The following BICDL1 variants were observed in gnomAD, a reference collection of about 807,000 sequenced individuals.
BICDL1 encodes BICD family-like cargo adapter 1.
A neutral mutation model predicts 76.8 loss-of-function variants in BICDL1; 20 were observed. The observed-to-expected ratio is 0.26, with a 90% confidence interval of 0.18 to 0.38. The LOEUF (loss-of-function observed/expected upper bound fraction) is 0.38. BICDL1 is among the 10% of genes least tolerant of loss of function. The pLI is 1.00. For synonymous variants in BICDL1, 383 were observed against 337.1 expected (o/e 1.14, Z -1.49); for missense variants, 700 against 798.6 (o/e 0.88, Z 1.49).
chr12:120,067,122 A>G (rs1322961790), intron 4 of BICDL1, among the ~76,000 whole-genome samples: 1 of 152,256 alleles, frequency 6.6e-6, no homozygotes, highest in East Asian at 1.9e-4. Context: ...AACACCCAGT[A>G]TATATCAAGT....
At position 120,062,653 on chromosome 12, in the gene BICDL1, G is replaced by A. The variant is rs548588989; in HGVS notation, c.762+827G>A. ...TTGCCCTGCTCGGTAAATGACCTGAGGATGTTTTTCCTAAAGTCTGTCAAT... is the reference window on the plus strand; with the variant it reads ...TTGCCCTGCTCGGTAAATGACCTGAAGATGTTTTTCCTAAAGTCTGTCAAT... On this transcript the variant is annotated intron_variant, in intron 3 of 9. Coordinates refer to ENST00000548673, the MANE Select transcript of BICDL1 (RefSeq NM_001367886.1). 1.3e-3 allele frequency among the ~76,000 whole-genome samples: 197 copies of A among 152,260 alleles called. 2 individuals are homozygous for A. In the South Asian group the frequency reaches 0.03, roughly 23 times the overall value.
chr12:120,014,336 G>C (rs932386271), intron 2 of BICDL1, among the ~76,000 whole-genome samples: 1 of 152,086 alleles, frequency 6.6e-6, no homozygotes, highest in Non-Finnish European at 1.5e-5. Flanking sequence ...ATTTAATGTA[G>C]CATCGGATTG....
intron 2 of BICDL1, among the ~76,000 whole-genome samples, chr12:120,031,175 T>G (rs999350942): frequency 6.6e-6 from 1 of 151,666 alleles, no homozygotes; most frequent in African/African-American, 2.4e-5. Context: ...TATATACCTA[T>G]CACCTGTATT....
chr12:120,019,688 G>A (rs1566220471), intron 2 of BICDL1, among the ~76,000 whole-genome samples: 1 of 152,086 alleles, frequency 6.6e-6, no homozygotes, highest in Non-Finnish European at 1.5e-5. Flanking sequence ...GGGCTCAACA[G>A]ATCCCCCTGC....
chr12:120,072,039 T>C (rs980869610), intron 5 of BICDL1, among the ~76,000 whole-genome samples: 4 of 152,224 alleles, frequency 2.6e-5, no homozygotes, highest in Admixed American at 1.3e-4. Context: ...GGACAGAGTA[T>C]CATAGGCACA....
intron 3 of BICDL1, among the ~76,000 whole-genome samples, chr12:120,063,096 C>T (rs747730526): frequency 6.6e-6 from 1 of 152,040 alleles, no homozygotes; most frequent in Non-Finnish European, 1.5e-5. Context: ...TGTGTAGCTC[C>T]GAACTAAGTT....
At chr12:120,058,541 G>GTA (rs1953030814) in intron 2 of BICDL1, among the ~76,000 whole-genome samples, 3 of 151,658 alleles carry the variant, frequency 2.0e-5, no homozygotes, top group African/African-American at 7.3e-5. Flanking sequence ...TCAAACTGCA[G>GTA]CATGTGATTT....
At chr12:120,030,147 G>C (rs1196393951) in intron 2 of BICDL1, among the ~76,000 whole-genome samples, 3 of 152,152 alleles carry the variant, frequency 2.0e-5, no homozygotes, top group Non-Finnish European at 4.4e-5. Context: ...CCCTTTGTGT[G>C]AGTGAGTGAT....
At chr12:120,004,851 C>T (rs905012175) in intron 2 of BICDL1, among the ~76,000 whole-genome samples, 5 of 152,100 alleles carry the variant, frequency 3.3e-5, no homozygotes, top group Admixed American at 6.6e-5. Flanking sequence ...GACGGAGTGT[C>T]GCTCTTGTTG....
At chr12:120,091,063 T>C (rs1205153222) in intron 9 of BICDL1, 1 of 1,288,254 alleles carries the variant, frequency 7.8e-7, no homozygotes, top group East Asian at 5.6e-5. Flanking sequence ...CGCCCTGCCA[T>C]TGCTGTGCTG....
At chr12:120,072,806 A>C (rs914078616) in intron 6 of BICDL1, 77 bp downstream of exon 6, 2 of 1,232,294 alleles carry the variant, frequency 1.6e-6, no homozygotes, top group African/African-American at 3.0e-5. Flanking sequence ...GCATAGGGTG[A>C]GGTCAGCCAT....
intron 4 of BICDL1, among the ~76,000 whole-genome samples, chr12:120,067,020 C>T (rs1953235426): frequency 6.6e-6 from 1 of 152,222 alleles, no homozygotes; most frequent in African/African-American, 2.4e-5. Context: ...AATTGGGGTC[C>T]TGCTGTCAAA....
intron 2 of BICDL1, among the ~76,000 whole-genome samples, chr12:120,019,513 AT>A (rs1280520582): frequency 2.0e-5 from 3 of 152,150 alleles, no homozygotes; most frequent in African/African-American, 4.8e-5. Context: ...AAAATTTAAT[AT>A]TTTTTTCAAA....
chr12:120,038,154 C>A (rs978572961), intron 2 of BICDL1, among the ~76,000 whole-genome samples: 1 of 152,140 alleles, frequency 6.6e-6, no homozygotes, highest in African/African-American at 2.4e-5. Context: ...GATCCCTGTC[C>A]CAATACTTAT....
intron 1 of BICDL1, among the ~76,000 whole-genome samples, chr12:119,995,590 T>G (rs780965125): frequency 2.4e-4 from 36 of 152,214 alleles, no homozygotes; most frequent in Non-Finnish European, 4.7e-4. Context: ...CTGCTGAATC[T>G]TTTTCATTTT....
chr12:120,075,644 C>G (rs960292452), intron 7 of BICDL1, among the ~76,000 whole-genome samples: 5 of 152,240 alleles, frequency 3.3e-5, no homozygotes, highest in Admixed American at 2.6e-4. Flanking sequence ...CTCAGACTCT[C>G]AAAGTGCTGG....
intron 2 of BICDL1, among the ~76,000 whole-genome samples, chr12:120,031,958 T>TACAG (rs1952432822): frequency 6.6e-6 from 1 of 152,040 alleles, no homozygotes; most frequent in Non-Finnish European, 1.5e-5. Context: ...GGCATGGTGG[T>TACAG]GTGCACCTGT....
rs10658480 is a variant in BICDL1, at chr12:119,999,062, G to GAAAAAAA, written c.645+341_645+347dup. Among the ~76,000 whole-genome samples the GAAAAAAA allele has an allele frequency of 5.2e-5, 5 of 95,252 alleles. 1 individual carries two copies. The highest frequency in any genetic ancestry group is 1.0e-4 in the Non-Finnish European group (5 of 48,374). The allele number at this position is 95,252 out of a possible 152,430, so 62.5% of individuals were successfully genotyped here. A position where few individuals can be genotyped will look rare whatever the true frequency, so the allele number is the denominator to read the frequency against. On this transcript the variant is annotated intron_variant, in intron 2 of 9. Transcript: ENST00000548673. Reference sequence around the variant, plus strand: ...GGCAACAGAGTGACAGCCTGTCTCGGAAAAAAAAAAAAAAAAAAAAAGTTG... The same window carrying GAAAAAAA: ...GGCAACAGAGTGACAGCCTGTCTCGGAAAAAAAAAAAAAAAAAAAAAAAAAAAAGTTG...
chr12:120,088,423 C>T (rs1874617733), intron 8 of BICDL1, among the ~76,000 whole-genome samples: 1 of 152,040 alleles, frequency 6.6e-6, no homozygotes, highest in East Asian at 1.9e-4. Flanking sequence ...GTGGCACAAT[C>T]TGGGCTCACT....
Sources: gnomAD v4.1 joint callset for allele counts (sites outside exome capture counted in the v4.1 genomes callset) on GRCh38, gnomAD v4.1.1 for gene constraint, MANE v1.5 for transcripts, NCBI Gene and HGNC (gene_info 2026-07-23, HGNC 2026-07-21) for gene names.